Variants in UNC5C observed in about 807,000 individuals in gnomAD.
UNC5C encodes the protein netrin receptor UNC5C.
Under a neutral mutation model 99.8 loss-of-function variants are expected in UNC5C, and 47 were observed. That is an observed-to-expected ratio of 0.47 (90% confidence interval 0.37 to 0.60). The LOEUF (loss-of-function observed/expected upper bound fraction) is 0.60. Ranked by LOEUF, UNC5C falls within the 20% of genes least tolerant of loss-of-function variation. The pLI is 0.00. For synonymous variants in UNC5C, 487 were observed against 452.2 expected (o/e 1.08, Z -0.98); for missense variants, 1,062 against 1,165.9 (o/e 0.91, Z 1.30).
intron 1 of UNC5C, among the ~76,000 whole-genome samples, chr4:95,451,209 A>G (rs1375715701): frequency 6.6e-6 from 1 of 152,190 alleles, no homozygotes; most frequent in Non-Finnish European, 1.5e-5. Context: ...TTACACATCT[A>G]AATAAACTGA....
At chr4:95,514,596 C>G (rs1722164534) in intron 1 of UNC5C, among the ~76,000 whole-genome samples, 1 of 149,846 alleles carries the variant, frequency 6.7e-6, no homozygotes, top group Non-Finnish European at 1.5e-5. Context: ...CTTACATTAG[C>G]CTGTGTGTTC....
intron 1 of UNC5C, among the ~76,000 whole-genome samples, chr4:95,537,983 C>T (rs1263389405): frequency 2.0e-5 from 3 of 152,180 alleles, no homozygotes; most frequent in Non-Finnish European, 4.4e-5. Context: ...GGAAACAACT[C>T]TTTCTGAATG....
intron 14 of UNC5C, among the ~76,000 whole-genome samples, chr4:95,172,914 C>A (rs1422005671): frequency 6.6e-6 from 1 of 151,952 alleles, no homozygotes; most frequent in Non-Finnish European, 1.5e-5. Context: ...CTTTTATTTC[C>A]TTGAGCAGTG....
At chr4:95,420,616 G>T (rs142572094) in intron 1 of UNC5C, among the ~76,000 whole-genome samples, 1 of 152,138 alleles carries the variant, frequency 6.6e-6, no homozygotes, top group East Asian at 1.9e-4. Flanking sequence ...TTGCCTTTTA[G>T]ATTTTACAAC....
At chr4:95,248,378 A>G in intron 5 of UNC5C, 1 of 339,414 alleles carries the variant, frequency 2.9e-6, no homozygotes, top group South Asian at 2.2e-5. Flanking sequence ...AAGAGTAGCA[A>G]GTTATGAAAA....
At chr4:95,491,829 C>G (rs933386684) in intron 1 of UNC5C, among the ~76,000 whole-genome samples, 2 of 151,534 alleles carry the variant, frequency 1.3e-5, no homozygotes, top group Non-Finnish European at 3.0e-5. Flanking sequence ...GTTCTATTCT[C>G]AAACAGAAAA....
chr4:95,412,418 C>T (rs1746019517), intron 1 of UNC5C, among the ~76,000 whole-genome samples: 1 of 151,948 alleles, frequency 6.6e-6, no homozygotes, highest in Admixed American at 6.5e-5. Flanking sequence ...ATGGCAATCT[C>T]ATGTTAGGTC....
chr4:95,267,734 T>C (rs1293774598), intron 4 of UNC5C, among the ~76,000 whole-genome samples: 1 of 152,028 alleles, frequency 6.6e-6, no homozygotes, highest in Non-Finnish European at 1.5e-5. Context: ...AATTGGACTA[T>C]AACCCCATCT....
chr4:95,210,087 G>C (rs569048163), intron 10 of UNC5C, among the ~76,000 whole-genome samples: 31 of 152,248 alleles, frequency 2.0e-4, no homozygotes, highest in East Asian at 9.7e-4. Context: ...AAGGGAGAAG[G>C]CTCCCTGCTG....
At position 95,253,893 on chromosome 4, in the gene UNC5C, G is replaced by A. The variant is rs542533381; in HGVS notation, c.595-3226C>T. Among the ~76,000 whole-genome samples, 14 of 152,228 alleles carry A rather than the reference G, an allele frequency of 9.2e-5. 2 individuals are homozygous for A. The highest frequency in any genetic ancestry group is 6.8e-3 in the Middle Eastern group (2 of 294). On this transcript the variant is annotated intron_variant, in intron 4 of 15. Transcript: ENST00000453304. ...AGAAGTCCTGACACTCTTCCATACC[G>A]CCTGGAAGACAGCATGAAAATCTTC...
chr4:95,215,400 G>A (rs565417120), intron 10 of UNC5C, among the ~76,000 whole-genome samples: 73 of 152,130 alleles, frequency 4.8e-4, no homozygotes, highest in Non-Finnish European at 8.5e-4. Flanking sequence ...TTTAACACAC[G>A]CATTTTACAT....
chr4:95,402,136 C>G (rs973893176), intron 1 of UNC5C, among the ~76,000 whole-genome samples: 6 of 152,168 alleles, frequency 3.9e-5, no homozygotes, highest in African/African-American at 1.4e-4. Context: ...AATACAATAT[C>G]TTCATTTAAA....
intron 1 of UNC5C, among the ~76,000 whole-genome samples, chr4:95,391,083 C>T (rs149616742): frequency 1.0e-3 from 159 of 152,306 alleles, no homozygotes; most frequent in African/African-American, 2.5e-3. Context: ...CCCCTGCACA[C>T]GCTCTCCTGC....
At chr4:95,272,299 A>T (rs1740691557) in intron 4 of UNC5C, among the ~76,000 whole-genome samples, 1 of 152,228 alleles carries the variant, frequency 6.6e-6, no homozygotes, top group African/African-American at 2.4e-5. Flanking sequence ...AAGTGAATTG[A>T]TGATTTTTAG....
intron 2 of UNC5C, among the ~76,000 whole-genome samples, chr4:95,308,260 G>T (rs78737434): frequency 0.039 from 5,995 of 151,986 alleles, 188 homozygotes; most frequent in Non-Finnish European, 0.06. Flanking sequence ...ACAGTTGCAG[G>T]ACACAAAATC....
intron 1 of UNC5C, among the ~76,000 whole-genome samples, chr4:95,415,707 G>A (rs551513311): frequency 6.6e-6 from 1 of 152,142 alleles, no homozygotes; most frequent in African/African-American, 2.4e-5. Context: ...CAACTTGATG[G>A]TTAGCAACCT....
At position 95,479,327 on chromosome 4, in the gene UNC5C, T is replaced by C. The variant is rs143443852; in HGVS notation, c.124+69407A>G. On this transcript the variant is annotated intron_variant, in intron 1 of 15. Coordinates refer to ENST00000453304, the MANE Select transcript of UNC5C (RefSeq NM_003728.4). ...GATTAAAAACTGTGATCACCGTTTC[T>C]ATGTGGGCTTAGGTGATATGGAATT... 4.9e-4 allele frequency among the ~76,000 whole-genome samples: 74 copies of C among 152,156 alleles called. 1 individual carries two copies. In the East Asian group the frequency reaches 0.014, roughly 28 times the overall value.
intron 7 of UNC5C, among the ~76,000 whole-genome samples, chr4:95,229,203 C>G (rs1738808786): frequency 6.6e-6 from 1 of 152,096 alleles, no homozygotes; most frequent in Non-Finnish European, 1.5e-5. Flanking sequence ...TAGGTATACA[C>G]ATGCCATGGT....
chr4:95,344,370 G>C (rs1431475613), intron 1 of UNC5C, among the ~76,000 whole-genome samples: 2 of 151,988 alleles, frequency 1.3e-5, no homozygotes, highest in South Asian at 4.1e-4. Flanking sequence ...ACATAAAGGA[G>C]AAATAAAGAC....
Sources: allele counts gnomAD v4.1 joint callset (sites outside exome capture counted in the v4.1 genomes callset), GRCh38; gene constraint gnomAD v4.1.1; transcripts MANE v1.5; gene names NCBI Gene and HGNC (gene_info 2026-07-23, HGNC 2026-07-21).